The following DMC1 variants were observed in gnomAD, a reference collection of about 807,000 sequenced individuals.
DMC1 encodes meiotic recombination protein DMC1 homolog.
In DMC1, 27 loss-of-function variants were observed where a neutral mutation model predicts 50.1. The ratio of observed to expected loss-of-function variants is 0.54; its 90% CI spans 0.40 to 0.74. The LOEUF (loss-of-function observed/expected upper bound fraction) is 0.74. DMC1 is among the 30% of genes least tolerant of loss of function. The probability of loss-of-function intolerance (pLI) is 0.00; values close to 1 mark genes in which losing one functional copy is unlikely to be tolerated. For synonymous variants in DMC1, 148 were observed against 136.1 expected (o/e 1.09, Z -0.61); for missense variants, 295 against 420.2 (o/e 0.70, Z 2.60).
At chr22:38,544,709 T>C (rs1252208378) in intron 8 of DMC1, among the ~76,000 whole-genome samples, 1 of 150,784 alleles carries the variant, frequency 6.6e-6, no homozygotes, top group Non-Finnish European at 1.5e-5. Flanking sequence ...CACTGCAACC[T>C]CCACCTCCTG....
At chr22:38,548,075 C>A (rs2090364109) in intron 8 of DMC1, among the ~76,000 whole-genome samples, 1 of 152,190 alleles carries the variant, frequency 6.6e-6, no homozygotes, top group South Asian at 2.1e-4. Flanking sequence ...TCTACTTCCT[C>A]TGTCTCTGGG....
chr22:38,542,785 A>G (rs2090299466), intron 8 of DMC1, among the ~76,000 whole-genome samples: 1 of 152,226 alleles, frequency 6.6e-6, no homozygotes, highest in Non-Finnish European at 1.5e-5. Context: ...AAGGAACCAC[A>G]TAACCTGACT....
intron 8 of DMC1, among the ~76,000 whole-genome samples, chr22:38,542,926 CA>C (rs1359059203): frequency 6.6e-6 from 1 of 152,152 alleles, no homozygotes; most frequent in Non-Finnish European, 1.5e-5. Context: ...TCATTTTCGA[CA>C]AAGGTGCCAA....
chr22:38,537,472 A>G (rs551785592), intron 12 of DMC1, 120 bp downstream of exon 12: 1 of 879,154 alleles, frequency 1.1e-6, no homozygotes, highest in Non-Finnish European at 1.9e-6. Context: ...TCAGCCTGCT[A>G]AAGTGCTGGA....
intron 12 of DMC1, among the ~76,000 whole-genome samples, chr22:38,524,108 C>A (rs1007692891): frequency 6.6e-6 from 1 of 152,050 alleles, no homozygotes. Flanking sequence ...ACATTGCCTG[C>A]TACTTTATAA....
chr22:38,534,285 G>T (rs1309725890), intron 12 of DMC1, among the ~76,000 whole-genome samples: 4 of 152,190 alleles, frequency 2.6e-5, no homozygotes, highest in Non-Finnish European at 5.9e-5. Flanking sequence ...TTATATTGTG[G>T]CTATGTAGAA....
At chr22:38,533,721 C>T (rs893457169) in intron 12 of DMC1, among the ~76,000 whole-genome samples, 1 of 152,056 alleles carries the variant, frequency 6.6e-6, no homozygotes, top group Non-Finnish European at 1.5e-5. Flanking sequence ...TGCATGAAAG[C>T]TTATTGCAGA....
intron 12 of DMC1, among the ~76,000 whole-genome samples, chr22:38,524,418 AAAAAT>A (rs1369261547): frequency 3.3e-5 from 5 of 152,178 alleles, no homozygotes; most frequent in Non-Finnish European, 4.4e-5. Flanking sequence ...TCCGTCTCAA[AAAAAT>A]AAAATAAAAC....
chr22:38,509,417 C>T, the DMC1 span, among the ~76,000 whole-genome samples: 52 of 152,154 alleles, frequency 3.4e-4, no homozygotes, highest in South Asian at 8.3e-4. Context: ...TTTCTGCTCA[C>T]GCTCAGATAA....
intron 12 of DMC1, among the ~76,000 whole-genome samples, chr22:38,535,392 A>C (rs978320780): frequency 1.2e-4 from 18 of 151,464 alleles, no homozygotes; most frequent in African/African-American, 4.4e-4. Context: ...GTGGAGAAAC[A>C]AAGGTGTATG....
At chr22:38,515,193 C>G (rs374323743), downstream of DMC1, among the ~76,000 whole-genome samples, 1 of 148,602 alleles carries the variant, frequency 6.7e-6, no homozygotes, top group Non-Finnish European at 1.5e-5. Context: ...AGAAAGTAGC[C>G]GGGGCCAGGT....
chr22:38,521,783 G>A, intron 12 of DMC1, 59 bp from the exon 13 acceptor site: 1 of 1,145,390 alleles, frequency 8.7e-7, no homozygotes, highest in Non-Finnish European at 1.3e-6. Context: ...GGCAATATCT[G>A]CAATTACAAG....
At chr22:38,560,306 G>A (rs2090513393) in intron 5 of DMC1, among the ~76,000 whole-genome samples, 1 of 152,170 alleles carries the variant, frequency 6.6e-6, no homozygotes, top group Non-Finnish European at 1.5e-5. Flanking sequence ...CCCTGATGCA[G>A]GAGTGTATCT....
chr22:38,559,418 C>G (rs1009027952), intron 5 of DMC1, among the ~76,000 whole-genome samples: 3 of 152,134 alleles, frequency 2.0e-5, no homozygotes, highest in Non-Finnish European at 2.9e-5. Context: ...ATCCACCCAT[C>G]TTGGCCTCCC....
In DMC1 at chr22:38,568,369, T is replaced by C. The variant is rs1054187301; in HGVS notation, c.-33-80A>G. ...ATTTCATTTCAAAGTCAACAAGGACTAGAAGGACAGTAAGAGAAGCATTTA... is the reference window on the plus strand; with the variant it reads ...ATTTCATTTCAAAGTCAACAAGGACCAGAAGGACAGTAAGAGAAGCATTTA... On this transcript the variant is annotated intron_variant, in intron 1 of 13. Coordinates refer to ENST00000216024, the MANE Select transcript of DMC1 (RefSeq NM_007068.4). 1.4e-5 allele frequency: 14 copies of C among 1,028,106 alleles called. No homozygotes were observed. In the East Asian group the frequency reaches 3.5e-4, roughly 26 times the overall value. 63.7% of individuals were successfully genotyped at this position (1,028,106 alleles called of 1,614,324 possible).
intron 6 of DMC1, among the ~76,000 whole-genome samples, chr22:38,554,197 C>T (rs2090444933): frequency 6.6e-6 from 1 of 151,914 alleles, no homozygotes; most frequent in South Asian, 2.1e-4. Flanking sequence ...CTGGGGTTCC[C>T]CTACTGAACT....
chr22:38,555,468 G>C (rs1569167430), intron 5 of DMC1, 59 bp from the exon 6 acceptor site: 1 of 1,121,392 alleles, frequency 8.9e-7, no homozygotes, highest in Non-Finnish European at 1.4e-6. Flanking sequence ...TAAGAGAGGA[G>C]AAAGTATTCA....
chr22:38,555,454 A>G (rs748923173), intron 5 of DMC1, 45 bp from the exon 6 acceptor site: 7 of 1,258,368 alleles, frequency 5.6e-6, no homozygotes, highest in Non-Finnish European at 7.0e-6. Context: ...AGAAATAGAA[A>G]TATTAAGAGA....
intron 5 of DMC1, among the ~76,000 whole-genome samples, chr22:38,561,564 G>A (rs111309150): frequency 5.9e-5 from 9 of 152,182 alleles, no homozygotes; most frequent in African/African-American, 1.9e-4. Flanking sequence ...GAGACTTTGG[G>A]AGAAGCAGAT....
Sources: allele counts gnomAD v4.1 joint callset (sites outside exome capture counted in the v4.1 genomes callset), GRCh38; gene constraint gnomAD v4.1.1; transcripts MANE v1.5; gene names NCBI Gene and HGNC (gene_info 2026-07-23, HGNC 2026-07-21).